ARHGEF3: variants seen among roughly 807,000 people sequenced by gnomAD.
The protein encoded by ARHGEF3 is 59.8 kDA protein.
In ARHGEF3, 28 loss-of-function variants were observed where a neutral mutation model predicts 63.2. The observed-to-expected ratio is 0.44, with a 90% CI of 0.33 to 0.61. The LOEUF is 0.61. ARHGEF3 is among the 20% of genes least tolerant of loss of function. The pLI, the probability that ARHGEF3 is intolerant of heterozygous loss-of-function variation, is 0.03. For missense variants in ARHGEF3, 533 were observed against 659.3 expected (o/e 0.81, Z 2.10); for synonymous variants, 266 against 254.2 (o/e 1.05, Z -0.44).
At chr3:56,869,983 A>T (rs531309901) in intron 4 of ARHGEF3, among the ~76,000 whole-genome samples, 3 of 152,186 alleles carry the variant, frequency 2.0e-5, no homozygotes, top group South Asian at 2.1e-4. Context: ...TATATATTTT[A>T]AATTATGCAT....
chr3:57,010,193 G>A (rs1050856622), intron 2 of ARHGEF3, among the ~76,000 whole-genome samples: 7 of 152,114 alleles, frequency 4.6e-5, no homozygotes, highest in African/African-American at 7.2e-5. Context: ...GGTGGCTCAC[G>A]CCTGTAATCC....
chr3:56,847,006 G>A (rs2039513992), intron 4 of ARHGEF3, among the ~76,000 whole-genome samples: 1 of 152,190 alleles, frequency 6.6e-6, no homozygotes, highest in Non-Finnish European at 1.5e-5. Flanking sequence ...CACTTAGTAG[G>A]CACTTAGTAG....
intron 1 of ARHGEF3, among the ~76,000 whole-genome samples, chr3:57,055,322 T>G (rs916933937): frequency 6.6e-6 from 1 of 151,996 alleles, no homozygotes; most frequent in African/African-American, 2.4e-5. Flanking sequence ...CCACCAAGCC[T>G]GGCTAATTTT....
intron 4 of ARHGEF3, among the ~76,000 whole-genome samples, chr3:56,809,212 G>C (rs1467287668): frequency 6.6e-6 from 1 of 152,088 alleles, no homozygotes; most frequent in Non-Finnish European, 1.5e-5. Flanking sequence ...AGAATAAAGA[G>C]GAATATAGGA....
intron 1 of ARHGEF3, among the ~76,000 whole-genome samples, chr3:57,066,302 C>G (rs538694783): frequency 6.6e-6 from 1 of 151,426 alleles, no homozygotes; most frequent in South Asian, 2.1e-4. Flanking sequence ...GAGTCTGACT[C>G]TGTCACCCAG....
chr3:56,890,022 A>C (rs948698274), intron 3 of ARHGEF3, among the ~76,000 whole-genome samples: 2 of 152,130 alleles, frequency 1.3e-5, no homozygotes, highest in African/African-American at 4.8e-5. Context: ...AGGTCGCACC[A>C]CTGCACTCCA....
chr3:56,986,615 G>A (rs1039518170), intron 2 of ARHGEF3, among the ~76,000 whole-genome samples: 27 of 152,020 alleles, frequency 1.8e-4, no homozygotes, highest in Non-Finnish European at 7.4e-5. Context: ...AGGAGGAGGC[G>A]GAGCCAGGAC....
chr3:56,967,481 A>G (rs1173558041), intron 2 of ARHGEF3, among the ~76,000 whole-genome samples: 8 of 87,430 alleles, frequency 9.2e-5, no homozygotes, highest in Non-Finnish European at 1.2e-4. Flanking sequence ...AATATATTAT[A>G]TAATATATTA....
At chr3:56,807,952 C>T (rs1170565537) in intron 4 of ARHGEF3, among the ~76,000 whole-genome samples, 3 of 151,896 alleles carry the variant, frequency 2.0e-5, no homozygotes, top group South Asian at 4.2e-4. Flanking sequence ...GGTGAAACCC[C>T]GTCTCTACTA....
chr3:56,809,818 C>T (rs981451569), intron 4 of ARHGEF3, among the ~76,000 whole-genome samples: 7 of 151,910 alleles, frequency 4.6e-5, no homozygotes, highest in Admixed American at 3.3e-4. Flanking sequence ...GTGCAACCTC[C>T]ACCTCCCAGG....
intron 2 of ARHGEF3, among the ~76,000 whole-genome samples, chr3:56,964,060 G>A (rs1488747217): frequency 2.0e-5 from 3 of 152,102 alleles, no homozygotes. Flanking sequence ...CGGGAAAAAA[G>A]AATCACAGAG....
intron 1 of ARHGEF3, among the ~76,000 whole-genome samples, chr3:57,040,349 C>T (rs1240084141): frequency 6.6e-6 from 1 of 152,066 alleles, no homozygotes; most frequent in Non-Finnish European, 1.5e-5. Context: ...TGGTGGCACG[C>T]ACCTGTAGTC....
At chr3:57,002,175 T>G (rs978333776) in intron 2 of ARHGEF3, among the ~76,000 whole-genome samples, 16 of 151,498 alleles carry the variant, frequency 1.1e-4, no homozygotes, top group Non-Finnish European at 1.8e-4. Context: ...CCTCCCAAAG[T>G]GTTGGGATTA....
chr3:56,954,773 G>A (rs1048566230), intron 3 of ARHGEF3, among the ~76,000 whole-genome samples: 2 of 152,170 alleles, frequency 1.3e-5, no homozygotes, highest in South Asian at 4.1e-4. Context: ...ACTTGGTAAG[G>A]AGAGGGGATA....
intron 3 of ARHGEF3, among the ~76,000 whole-genome samples, chr3:56,923,217 C>G (rs1409779102): frequency 6.6e-6 from 1 of 151,028 alleles, no homozygotes; most frequent in East Asian, 1.9e-4. Flanking sequence ...AGCAAGACTC[C>G]GTCTCAAAAA....
rs552614171 is a variant in ARHGEF3, at chr3:56,993,692, C to T, written c.63-34803G>A. ...GCCCAGCCTAACTTTGGATACATTG[C>T]TTAACCTTCCTGAGGTTCAGTTTCC... On this transcript the variant is annotated intron_variant, in intron 2 of 12. Transcript: ENST00000338458. Among the ~76,000 whole-genome samples, 219 of 151,812 alleles carry T rather than the reference C, an allele frequency of 1.4e-3. 2 individuals are homozygous for T. Among genetic ancestry groups the T allele is most frequent in the African/African-American group, 5.1e-3 (211 of 41,430 alleles).
intron 7 of ARHGEF3, among the ~76,000 whole-genome samples, chr3:56,742,250 C>G (rs144720254): frequency 2.0e-5 from 3 of 151,752 alleles, no homozygotes; most frequent in African/African-American, 7.3e-5. Flanking sequence ...ATTTTCTGGC[C>G]GAAAAATTCT....
chr3:57,017,032 T>TCTCTCTCTCTCTCTCTCTCA (rs1221332567), intron 2 of ARHGEF3, among the ~76,000 whole-genome samples: 4 of 104,316 alleles, frequency 3.8e-5, no homozygotes, highest in African/African-American at 1.4e-4. Context: ...TCTCTCTCTC[T>TCTCTCTCTCTCTCTCTCTCA]CACACACACA....
chr3:56,966,849 A>T (rs896922633), intron 2 of ARHGEF3, among the ~76,000 whole-genome samples: 20 of 146,130 alleles, frequency 1.4e-4, no homozygotes, highest in Middle Eastern at 3.5e-3. Flanking sequence ...TTTTTTTTTT[A>T]ATTATTATTA....
Sources: allele counts gnomAD v4.1 joint callset (sites outside exome capture counted in the v4.1 genomes callset), GRCh38; gene constraint gnomAD v4.1.1; transcripts MANE v1.5; gene names NCBI Gene and HGNC (gene_info 2026-07-23, HGNC 2026-07-21).